Variants in CMSS1 observed in about 807,000 individuals in gnomAD.
CMSS1 encodes protein CMSS1.
Under a neutral mutation model 43.5 loss-of-function variants are expected in CMSS1, and 33 were observed. The ratio of observed to expected loss-of-function variants is 0.76; its 90% CI spans 0.57 to 1.01. The LOEUF (loss-of-function observed/expected upper bound fraction) is 1.01. Ranked by LOEUF, CMSS1 falls within the 50% of genes least tolerant of loss-of-function variation. CMSS1 has a pLI of 0.00. For missense variants in CMSS1, 313 were observed against 326.4 expected, an observed-to-expected ratio of 0.96 and a Z score of 0.32; for synonymous variants, 115 against 117.2, an observed-to-expected ratio of 0.98 and a Z score of 0.12.
chr3:100,131,591 G>T (rs1162528807), intron 1 of CMSS1, among the ~76,000 whole-genome samples: 1 of 152,122 alleles, frequency 6.6e-6, no homozygotes, highest in African/African-American at 2.4e-5. Flanking sequence ...CCAGCCTCAG[G>T]CCTTTCCCAG....
chr3:100,033,359 C>A (rs1376321947), intron 1 of CMSS1, among the ~76,000 whole-genome samples: 1 of 152,196 alleles, frequency 6.6e-6, no homozygotes, highest in East Asian at 1.9e-4. Flanking sequence ...GGAAAACCCA[C>A]AAGCTCAGCA....
At chr3:100,080,604 G>C (rs1227534911) in intron 1 of CMSS1, among the ~76,000 whole-genome samples, 1 of 152,190 alleles carries the variant, frequency 6.6e-6, no homozygotes, top group Non-Finnish European at 1.5e-5. Context: ...GCTGAAACTG[G>C]TTAGGTATGA....
chr3:100,140,670 G>A (rs1214569199), intron 1 of CMSS1, among the ~76,000 whole-genome samples: 2 of 152,072 alleles, frequency 1.3e-5, no homozygotes, highest in Non-Finnish European at 2.9e-5. Context: ...TTAACTGTGA[G>A]AACTAATAAA....
intron 1 of CMSS1, among the ~76,000 whole-genome samples, chr3:99,872,910 C>T (rs1056255358): frequency 1.5e-4 from 22 of 151,566 alleles, no homozygotes; most frequent in African/African-American, 4.4e-4. Context: ...CAAGGAGAAT[C>T]TCAAGTCTTT....
chr3:100,009,904 A>G (rs188606131), intron 1 of CMSS1, among the ~76,000 whole-genome samples: 3 of 152,298 alleles, frequency 2.0e-5, no homozygotes, highest in Admixed American at 2.0e-4. Flanking sequence ...GAAAGTAAAT[A>G]CCACTTTCTT....
At chr3:100,174,462 A>G (rs902576220) in intron 8 of CMSS1, among the ~76,000 whole-genome samples, 1 of 152,138 alleles carries the variant, frequency 6.6e-6, no homozygotes, top group East Asian at 1.9e-4. Context: ...TCAGATCTCT[A>G]CAGAGTTGTG....
intron 1 of CMSS1, among the ~76,000 whole-genome samples, chr3:99,843,903 T>G (rs1199783321): frequency 6.6e-6 from 1 of 152,216 alleles, no homozygotes; most frequent in African/African-American, 2.4e-5. Context: ...GAACTGCACA[T>G]GCGAGGGGTC....
At chr3:99,930,548 G>A (rs768612577) in intron 1 of CMSS1, among the ~76,000 whole-genome samples, 6 of 152,194 alleles carry the variant, frequency 3.9e-5, no homozygotes, top group Admixed American at 3.3e-4. Flanking sequence ...GACCTTTCAC[G>A]ACCTGTATGC....
chr3:99,958,947 T>C (rs1483982878), intron 1 of CMSS1, among the ~76,000 whole-genome samples: 2 of 152,198 alleles, frequency 1.3e-5, no homozygotes, highest in Non-Finnish European at 2.9e-5. Flanking sequence ...AATAATGAGC[T>C]CTATACCACT....
At chr3:100,114,970 ACT>A (rs1197449353) in intron 1 of CMSS1, 2 of 1,533,892 alleles carry the variant, frequency 1.3e-6, no homozygotes, top group Admixed American at 3.9e-5. Flanking sequence ...TGCTGAGGAA[ACT>A]CTAGAGCAAC....
chr3:99,967,879 G>A lies in CMSS1; in HGVS notation c.64+149836G>A, dbSNP rs543684935. ...ACAACATGCTCAGGAAAGTTAACCT[G>A]GTATTAGCAAGGAGAAGGAGTAGGA... On this transcript the variant is annotated intron_variant, in intron 1 of 9. Transcript: ENST00000421999. Among the ~76,000 whole-genome samples, 5 of 152,282 alleles carry A rather than the reference G, an allele frequency of 3.3e-5. No individual in the cohort carries two copies. The Middle Eastern group carries it at 0.017, about 518-fold the overall frequency.
At chr3:100,002,851 G>A (rs946692357) in intron 1 of CMSS1, among the ~76,000 whole-genome samples, 3 of 152,122 alleles carry the variant, frequency 2.0e-5, no homozygotes, top group Non-Finnish European at 2.9e-5. Context: ...ACAAAAGGAA[G>A]TACCAGAAAC....
At chr3:99,861,576 C>A (rs777182081) in intron 1 of CMSS1, among the ~76,000 whole-genome samples, 1 of 152,134 alleles carries the variant, frequency 6.6e-6, no homozygotes, top group African/African-American at 2.4e-5. Flanking sequence ...CTGTGATCTG[C>A]GTTCTTCTGT....
intron 1 of CMSS1, among the ~76,000 whole-genome samples, chr3:100,064,151 C>T (rs1021496975): frequency 1.3e-5 from 2 of 152,190 alleles, no homozygotes; most frequent in Non-Finnish European, 2.9e-5. Flanking sequence ...CTGCTGTAAA[C>T]CTTCAAGGGC....
intron 2 of CMSS1, among the ~76,000 whole-genome samples, chr3:100,158,566 C>T (rs560552188): frequency 2.6e-5 from 4 of 152,326 alleles, no homozygotes; most frequent in Admixed American, 1.3e-4. Context: ...AAATTGGCCT[C>T]TTCATTGGCA....
At chr3:100,025,006 C>T (rs1229777172) in intron 1 of CMSS1, among the ~76,000 whole-genome samples, 3 of 152,152 alleles carry the variant, frequency 2.0e-5, no homozygotes, top group Admixed American at 6.5e-5. Context: ...AAATATCTGT[C>T]TTGATGCTTA....
At chr3:99,830,692 G>A in intron 1 of CMSS1, 2 of 417,724 alleles carry the variant, frequency 4.8e-6, no homozygotes, top group South Asian at 3.4e-5. Context: ...TCAGTTTGGA[G>A]GATTTGGCTT....
intron 1 of CMSS1, among the ~76,000 whole-genome samples, chr3:99,861,551 T>C (rs1280054161): frequency 6.6e-6 from 1 of 152,184 alleles, no homozygotes; most frequent in Non-Finnish European, 1.5e-5. Context: ...CTCTCTGCAG[T>C]TGATTTTGTA....
At chr3:99,912,047 A>G (rs1706806026) in intron 1 of CMSS1, among the ~76,000 whole-genome samples, 2 of 152,142 alleles carry the variant, frequency 1.3e-5, no homozygotes, top group South Asian at 4.1e-4. Flanking sequence ...ACACAGTGAA[A>G]CTTTATCTCA....
Sources: allele counts gnomAD v4.1 joint callset (sites outside exome capture counted in the v4.1 genomes callset), GRCh38; gene constraint gnomAD v4.1.1; transcripts MANE v1.5; gene names NCBI Gene and HGNC (gene_info 2026-07-23, HGNC 2026-07-21).